Variants in MCCC2 observed in about 807,000 individuals in gnomAD.
The protein encoded by MCCC2 is methylcrotonoyl-CoA carboxylase beta chain, mitochondrial.
MCCC2 carries 52 observed loss-of-function variants against 77.2 expected under a neutral mutation model. The ratio of observed to expected loss-of-function variants is 0.67; its 90% CI spans 0.54 to 0.85. The LOEUF (loss-of-function observed/expected upper bound fraction) is 0.85, where lower values mean the gene tolerates loss of function less well. Among genes scored for constraint, MCCC2 ranks in the 40% least tolerant of loss-of-function variants. MCCC2 has a pLI of 0.00. For synonymous variants in MCCC2, 253 were observed against 248.4 expected (o/e 1.02, Z -0.18); for missense variants, 682 against 703.2 (o/e 0.97, Z 0.34).
At chr5:71,588,803 T>C (rs1344156891) in intron 1 of MCCC2, among the ~76,000 whole-genome samples, 3 of 152,008 alleles carry the variant, frequency 2.0e-5, no homozygotes, top group African/African-American at 7.3e-5. Context: ...ATATCTGGTG[T>C]GAGGACTTGA....
In MCCC2 at chr5:71,626,682, G is replaced by A. The variant is rs755028412; in HGVS notation, c.667G>A (p.Val223Met). The A allele has an allele frequency of 6.2e-7, 1 of 1,614,132 alleles. No individual in the cohort carries two copies. The highest frequency in any genetic ancestry group is 1.1e-5 in the South Asian group (1 of 91,088). Residue 223 changes from valine to methionine, a missense_variant, in exon 7 of 17, where the codon GTG (valine) becomes ATG (methionine). Coordinates refer to ENST00000340941, the MANE Select transcript of MCCC2 (RefSeq NM_022132.5). ...MGSCTAGGAY[V>M]PAMADENIIV... Reference sequence around the variant, plus strand: ...CTCCTGCACCGCAGGAGGAGCCTATGTGCCTGCCATGGCTGATGAAAACAT... The same window carrying A: ...CTCCTGCACCGCAGGAGGAGCCTATATGCCTGCCATGGCTGATGAAAACAT...
intron 8 of MCCC2, among the ~76,000 whole-genome samples, chr5:71,633,285 TATTTAAAAAA>T: frequency 6.6e-6 from 1 of 151,678 alleles, no homozygotes; most frequent in African/African-American, 2.4e-5. Flanking sequence ...GCAGTTTGAC[TATTTAAAAAA>T]AGTAAAGCTG....
At chr5:71,616,722 C>A (rs898300495) in intron 6 of MCCC2, among the ~76,000 whole-genome samples, 4 of 152,186 alleles carry the variant, frequency 2.6e-5, no homozygotes, top group Non-Finnish European at 5.9e-5. Flanking sequence ...TTTTCCCTTA[C>A]TTAATCCTTT....
chr5:71,611,074 A>G (rs1461601434), intron 6 of MCCC2, among the ~76,000 whole-genome samples: 2 of 151,974 alleles, frequency 1.3e-5, no homozygotes, highest in Admixed American at 6.6e-5. Flanking sequence ...TACCCTAGGG[A>G]AACTCTGATA....
At chr5:71,592,721 A>T in intron 1 of MCCC2, 1 of 620,476 alleles carries the variant, frequency 1.6e-6, no homozygotes, top group Non-Finnish European at 2.9e-6. Flanking sequence ...GTGGTGAAGA[A>T]GAGCTTGAAC....
intron 16 of MCCC2, among the ~76,000 whole-genome samples, chr5:71,655,675 A>G (rs1747558586): frequency 6.6e-6 from 1 of 152,196 alleles, no homozygotes; most frequent in Non-Finnish European, 1.5e-5. Context: ...GAATGGTTTA[A>G]TAGTTGATGC....
At chr5:71,641,370 T>A (rs577911615) in intron 11 of MCCC2, 1 of 361,950 alleles carries the variant, frequency 2.8e-6, no homozygotes, top group Non-Finnish European at 5.1e-6. Context: ...TAGAAAATAC[T>A]TGTAGTTCTT....
rs1198106048 is a variant in MCCC2, at chr5:71,602,620, C to G, written c.498C>G (p.Pro166=). 1 of 1,614,148 alleles carries G rather than the reference C, an allele frequency of 6.2e-7. No individual in the cohort carries two copies. The highest frequency in any genetic ancestry group is 8.5e-7 in the Non-Finnish European group (1 of 1,180,030). The change falls in exon 5 of 17, where the codon CCC becomes CCG. Residue 166 remains proline (P), a synonymous_variant. Transcript: ENST00000340941. ...AAATTGCCATGCAAAACAGGCTCCC[C>G]TGCATCTACTTAGGCAAGTCACCAG... is the stretch of plus-strand genomic sequence containing the variant. The part of the protein sequence containing the change: ...AQEIAMQNRL[P]CIYLVDSGGA...
At chr5:71,593,128 C>A in intron 2 of MCCC2, 136 bp downstream of exon 2, 1 of 754,828 alleles carries the variant, frequency 1.3e-6, no homozygotes, top group South Asian at 1.7e-5. Context: ...TGCTCTCTTG[C>A]CCAGGCTGGA....
At position 71,646,215 on chromosome 5, in the gene MCCC2, C is replaced by G. The variant is rs1427630056; in HGVS notation, c.1154C>G (p.Thr385Ser). The change falls in exon 13 of 17, where the codon ACT (threonine) becomes AGT (serine). Residue 385 changes from threonine (T) to serine (S), a missense_variant. Coordinates refer to ENST00000340941, the MANE Select transcript of MCCC2 (RefSeq NM_022132.5). The stretch of plus-strand genomic sequence containing the variant: ...TTTTATGTTATTTGCTTATAGGGTA[C>G]TCACTTTGTCCAGTTATGCTGCCAA... The part of the protein sequence containing the change: ...VLFSESAKKG[T>S]HFVQLCCQRN... The G allele has an allele frequency of 1.9e-6, 3 of 1,613,312 alleles. No homozygotes were observed. Among genetic ancestry groups the G allele is most frequent in the African/African-American group, 2.7e-5 (2 of 74,856 alleles).
chr5:71,587,617 G>T, intron 1 of MCCC2, 63 bp downstream of exon 1: 1 of 1,520,398 alleles, frequency 6.6e-7, no homozygotes, highest in South Asian at 1.2e-5. Flanking sequence ...TGGAGGAGGG[G>T]CACGCTTCAA....
At chr5:71,604,123 AC>A (rs1245531884) in intron 5 of MCCC2, among the ~76,000 whole-genome samples, 2 of 152,186 alleles carry the variant, frequency 1.3e-5, no homozygotes, top group East Asian at 3.8e-4. Flanking sequence ...GAAGGTTCTA[AC>A]CATTTCGAGA....
chr5:71,619,029 G>A (rs1746277299), intron 6 of MCCC2, among the ~76,000 whole-genome samples: 1 of 152,030 alleles, frequency 6.6e-6, no homozygotes, highest in African/African-American at 2.4e-5. Context: ...AGTTCCTCAG[G>A]CCTTTCTCTT....
chr5:71,638,000 C>G (rs1230008198), intron 10 of MCCC2, among the ~76,000 whole-genome samples: 3 of 152,150 alleles, frequency 2.0e-5, no homozygotes, highest in African/African-American at 4.8e-5. Context: ...GCATCACCCA[C>G]CGCGCCTGGC....
chr5:71,623,772 A>G (rs1303894259), intron 6 of MCCC2, among the ~76,000 whole-genome samples: 1 of 152,180 alleles, frequency 6.6e-6, no homozygotes, highest in Non-Finnish European at 1.5e-5. Context: ...TTGTGTAGCT[A>G]GTGTCAGAGA....
At chr5:71,642,544 C>T (rs1009832731) in intron 11 of MCCC2, among the ~76,000 whole-genome samples, 1 of 152,190 alleles carries the variant, frequency 6.6e-6, no homozygotes, top group Non-Finnish European at 1.5e-5. Context: ...CTGTCTGTGC[C>T]TGGAGATCCC....
chr5:71,589,328 A>G (rs531635766), intron 1 of MCCC2, among the ~76,000 whole-genome samples: 1 of 152,364 alleles, frequency 6.6e-6, no homozygotes, highest in South Asian at 2.1e-4. Flanking sequence ...TCACAACAGT[A>G]AATATTAGTC....
intron 6 of MCCC2, among the ~76,000 whole-genome samples, chr5:71,613,298 C>A (rs1580297742): frequency 6.6e-6 from 1 of 152,308 alleles, no homozygotes; most frequent in East Asian, 1.9e-4. Flanking sequence ...ATGTTCTTTG[C>A]TGTGTCTTTC....
At chr5:71,630,303 A>C (rs1554137088) in intron 7 of MCCC2, among the ~76,000 whole-genome samples, 1 of 152,136 alleles carries the variant, frequency 6.6e-6, no homozygotes, top group Non-Finnish European at 1.5e-5. Context: ...ACAGATAGTA[A>C]GACAAGTTTT....
Sources: gnomAD v4.1 joint callset for allele counts (sites outside exome capture counted in the v4.1 genomes callset) on GRCh38, gnomAD v4.1.1 for gene constraint, MANE v1.5 for transcripts, NCBI Gene and HGNC (gene_info 2026-07-23, HGNC 2026-07-21) for gene names.